MRPL19: variants seen among roughly 807,000 people sequenced by gnomAD.
MRPL19 encodes the protein large ribosomal subunit protein bL19m.
Under a neutral mutation model 34.0 loss-of-function variants are expected in MRPL19, and 31 were observed. That is an observed-to-expected ratio of 0.91 (90% CI 0.68 to 1.23). The LOEUF is 1.23. Among genes scored for constraint, MRPL19 ranks in the 50% most tolerant of loss-of-function variants. The pLI, the probability that MRPL19 is intolerant of heterozygous loss-of-function variation, is 0.00. For synonymous variants in MRPL19, 152 were observed against 127.7 expected, an observed-to-expected ratio of 1.19 and a Z score of -1.28; for missense variants, 384 against 367.6, an observed-to-expected ratio of 1.04 and a Z score of -0.37.
chr2:75,659,989 T>G lies in MRPL19; in HGVS notation c.*4704T>G, dbSNP rs1294871890. On this transcript the variant is annotated 3_prime_UTR_variant, in exon 6 of 6. Coordinates refer to ENST00000393909, the MANE Select transcript of MRPL19 (RefSeq NM_014763.4). The stretch of plus-strand genomic sequence containing the variant: ...TCTTTCTTTTCCTTCTGAAATATTC[T>G]TAATGTATATGTTGGTCTGTTTGAT... 6.6e-6 allele frequency among the ~76,000 whole-genome samples: 1 copy of G among 152,196 alleles called. No homozygotes were observed. Among genetic ancestry groups the G allele is most frequent in the Non-Finnish European group, 1.5e-5 (1 of 68,020 alleles).
rs754969761 is a variant in MRPL19 at position 75,660,031 on chromosome 2, C to G, written c.*4746C>G. ...CTGTTTGATGCTGTCTCACCAGTTT[C>G]TTAGGCTGTGTTCTCTTTTGTTCCT... On this transcript the variant is annotated 3_prime_UTR_variant, in exon 6 of 6. Transcript: ENST00000393909. Among the ~76,000 whole-genome samples the G allele has an allele frequency of 4.6e-5, 7 of 152,046 alleles. No individual in the cohort carries two copies. Among genetic ancestry groups the G allele is most frequent in the Non-Finnish European group, 7.4e-5 (5 of 68,008 alleles).
Position 75,661,761 on chromosome 2 carries a change from G to A in MRPL19, c.*6476G>A, listed in dbSNP as rs1183677597. 6.6e-6 allele frequency: 1 copy of A among 152,216 alleles called. No homozygotes were observed. The highest frequency in any genetic ancestry group is 2.4e-5 in the African/African-American group (1 of 41,410). 9.4% of individuals were successfully genotyped at this position (152,216 alleles called of 1,614,324 possible). ...TGATCTTGAACTCCTGGCCTCAAAC[G>A]ATCCTCCCAGCTCAGTCTCACAAAG... On this transcript the variant is annotated 3_prime_UTR_variant, in exon 6 of 6. Transcript: ENST00000393909.
rs912258477 is a variant in MRPL19, at chr2:75,658,636, T to C, written c.*3351T>C. 2.6e-5 allele frequency among the ~76,000 whole-genome samples: 4 copies of C among 152,152 alleles called. No homozygotes were observed. Among genetic ancestry groups the C allele is most frequent in the South Asian group, 2.1e-4 (1 of 4,828 alleles). ...TGAATTTCCCACTGTTTTTTTGTTA[T>C]TGATTTCCAAGTTCATTCCATTGTG... is the stretch of plus-strand genomic sequence containing the variant. On this transcript the variant is annotated 3_prime_UTR_variant, in exon 6 of 6. Transcript: ENST00000393909.
chr2:75,655,124 A>G lies in MRPL19; in HGVS notation c.718A>G (p.Ile240Val), dbSNP rs1261270822. 1.2e-6 allele frequency: 2 copies of G among 1,610,422 alleles called. No individual in the cohort carries two copies. Among genetic ancestry groups the G allele is most frequent in the East Asian group, 4.5e-5 (2 of 44,732 alleles). ...ACGCTGGGAACGTCCAAATTTTAATATTAAAGGAATCAGATTTGATCTTTG... is the reference window on the plus strand; with the variant it reads ...ACGCTGGGAACGTCCAAATTTTAATGTTAAAGGAATCAGATTTGATCTTTG... ...SKRWERPNFNIKGIRFDLCLT... is the reference protein window; with the variant it reads ...SKRWERPNFNVKGIRFDLCLT... The change falls in exon 6 of 6, where the codon ATT becomes GTT. Residue 240 changes from isoleucine (I) to valine (V), a missense_variant. Coordinates refer to ENST00000393909, the MANE Select transcript of MRPL19 (RefSeq NM_014763.4).
chr2:75,646,906 C>A lies in MRPL19; in HGVS notation c.99C>A (p.Ala33=). 6.3e-7 allele frequency: 1 copy of A among 1,591,938 alleles called. No homozygotes were observed. The highest frequency in any genetic ancestry group is 8.6e-7 in the Non-Finnish European group (1 of 1,169,526). ...TGCTCCCCCCGCCGGCCTCTATCGC[C>A]TGCAGTAAGTGGAGCCGGACTTGCG... ...RTLLPPPASI[A]CRVHAGPVRQ... The change falls in exon 1 of 6, where the codon GCC becomes GCA. Residue 33 remains alanine, a synonymous_variant. Coordinates refer to ENST00000393909, the MANE Select transcript of MRPL19 (RefSeq NM_014763.4).
chr2:75,654,103 G>A (rs1678387288), intron 4 of MRPL19, among the ~76,000 whole-genome samples: 1 of 152,098 alleles, frequency 6.6e-6, no homozygotes, highest in Non-Finnish European at 1.5e-5. Context: ...TCACAGTTCG[G>A]GAGGCTGGGA....
intron 2 of MRPL19, among the ~76,000 whole-genome samples, chr2:75,648,821 A>G (rs1417371878): frequency 6.6e-6 from 1 of 152,234 alleles, no homozygotes; most frequent in Non-Finnish European, 1.5e-5. Context: ...GTGAGCCGAG[A>G]TCGTGCCACT....
Position 75,652,144 on chromosome 2 carries a change from T to G in MRPL19, c.224T>G (p.Phe75Cys). 6.5e-7 allele frequency: 1 copy of G among 1,542,644 alleles called. No homozygotes were observed. The highest frequency in any genetic ancestry group is 2.3e-5 in the East Asian group (1 of 44,336). ...KHRPVEPERR[F>C]LSPEFIPRRG... Reference sequence around the variant, plus strand: ...TTATTTATTTGTATTTTTTACAGGTTCTTGAGTCCTGAATTCATTCCTCGA... The same window carrying G: ...TTATTTATTTGTATTTTTTACAGGTGCTTGAGTCCTGAATTCATTCCTCGA... Residue 75 changes from phenylalanine to cysteine, a missense_variant and splice_region_variant, in exon 3 of 6, where the codon TTC becomes TGC. Coordinates refer to ENST00000393909, the MANE Select transcript of MRPL19 (RefSeq NM_014763.4).
chr2:75,648,724 C>T (rs1055153782), intron 2 of MRPL19, among the ~76,000 whole-genome samples: 26 of 151,672 alleles, frequency 1.7e-4, no homozygotes, highest in Non-Finnish European at 3.8e-4. Context: ...AAAAAATTAG[C>T]CAGGTGTGGT....
Position 75,654,839 on chromosome 2 carries a change from C to T in MRPL19, c.579C>T (p.Ala193=), listed in dbSNP as rs1451893858. 1 of 1,613,588 alleles carries T rather than the reference C, an allele frequency of 6.2e-7. No individual in the cohort carries two copies. The highest frequency in any genetic ancestry group is 8.5e-7 in the Non-Finnish European group (1 of 1,179,864). ...LDDSLLYLRD[A]LPEYSTFDVN... ...ATAGCTTGCTATACTTACGAGATGC[C>T]CTTCCTGAATATAGCACTTTTGATG... The change falls in exon 5 of 6, where the codon GCC becomes GCT. Residue 193 remains alanine (A), a synonymous_variant. Transcript: ENST00000393909.
In MRPL19 at chr2:75,656,137, G is replaced by GT. The variant is rs1037691273; in HGVS notation, c.*858dup. ...GAAATGTGGTTAGAGGAAGTAAACT[G>GT]TTTTTTGATGCTCACAGCATGATGA... On this transcript the variant is annotated 3_prime_UTR_variant, in exon 6 of 6. Transcript: ENST00000393909. 3 of 152,178 alleles carry GT rather than the reference G, an allele frequency of 2.0e-5. No homozygotes were observed. Among genetic ancestry groups the GT allele is most frequent in the Admixed American group, 6.6e-5 (1 of 15,264 alleles). 9.4% of individuals were successfully genotyped at this position (152,178 alleles called of 1,614,324 possible).
At chr2:75,649,103 C>T (rs990868478) in intron 2 of MRPL19, among the ~76,000 whole-genome samples, 6 of 152,152 alleles carry the variant, frequency 3.9e-5, no homozygotes, top group Non-Finnish European at 8.8e-5. Flanking sequence ...TTAGTCTAGG[C>T]ATGTGGAAAC....
At chr2:75,647,352 C>T (rs1678247150) in intron 2 of MRPL19, 133 bp downstream of exon 2, 1 of 765,822 alleles carries the variant, frequency 1.3e-6, no homozygotes. Flanking sequence ...GATTCAAGAG[C>T]CAGCGCACCA....
Position 75,658,666 on chromosome 2 carries a change from G to C in MRPL19, c.*3381G>C, listed in dbSNP as rs1678524714. Among the ~76,000 whole-genome samples, 2 of 152,216 alleles carry C rather than the reference G, an allele frequency of 1.3e-5. No individual in the cohort carries two copies. The highest frequency in any genetic ancestry group is 3.4e-3 in the Middle Eastern group (1 of 294). On this transcript the variant is annotated 3_prime_UTR_variant, in exon 6 of 6. Coordinates refer to ENST00000393909, the MANE Select transcript of MRPL19 (RefSeq NM_014763.4). ...TTCCAAGTTCATTCCATTGTGATTA[G>C]AGAAGATACTTAGTATGATTTTAAT... is the stretch of plus-strand genomic sequence containing the variant.
intron 2 of MRPL19, among the ~76,000 whole-genome samples, chr2:75,649,674 T>C (rs1301313142): frequency 6.6e-6 from 1 of 152,202 alleles, no homozygotes; most frequent in Non-Finnish European, 1.5e-5. Context: ...AGAGCCTTGC[T>C]TTGTCATCCA....
At chr2:75,651,373 G>A (rs541296426) in intron 2 of MRPL19, 2 of 534,232 alleles carry the variant, frequency 3.7e-6, no homozygotes, top group African/African-American at 1.9e-5. Flanking sequence ...GAATGACACC[G>A]CATATGTACC....
intron 2 of MRPL19, 154 bp from the exon 3 acceptor site, chr2:75,651,988 G>T: frequency 2.0e-6 from 1 of 494,400 alleles, no homozygotes; most frequent in Non-Finnish European, 3.6e-6. Flanking sequence ...CTATTTTCAT[G>T]AGCATTAACA....
chr2:75,649,148 A>T (rs568777114), intron 2 of MRPL19, among the ~76,000 whole-genome samples: 39 of 152,344 alleles, frequency 2.6e-4, no homozygotes, highest in South Asian at 1.2e-3. Context: ...GTAGGCCTTG[A>T]CTGTTCAAAA....
chr2:75,646,871 G>T lies in MRPL19; in HGVS notation c.64G>T (p.Ala22Ser). Reference protein sequence around the residue: ...AMGLGRSFQAARTLLPPPASI... With the variant: ...AMGLGRSFQASRTLLPPPASI... Reference sequence around the variant, plus strand: ...GGGCCTAGGCCGGAGTTTCCAAGCCGCCAGGACTCTGCTCCCCCCGCCGGC... The same window carrying T: ...GGGCCTAGGCCGGAGTTTCCAAGCCTCCAGGACTCTGCTCCCCCCGCCGGC... Residue 22 changes from alanine (A) to serine (S), a missense_variant, in exon 1 of 6, where the codon GCC (alanine) becomes TCC (serine). Ala to Ser is a moderately conservative substitution (Grantham distance 99). Coordinates refer to ENST00000393909, the MANE Select transcript of MRPL19 (RefSeq NM_014763.4). The T allele has an allele frequency of 3.1e-6, 5 of 1,596,696 alleles. No homozygotes were observed. The highest frequency in any genetic ancestry group is 1.7e-4 in the Middle Eastern group (1 of 6,012).
Sources: allele counts gnomAD v4.1 joint callset (sites outside exome capture counted in the v4.1 genomes callset), GRCh38; gene constraint gnomAD v4.1.1; transcripts MANE v1.5; gene names NCBI Gene and HGNC (gene_info 2026-07-23, HGNC 2026-07-21).